The following LRRK2 variants were observed in gnomAD, a reference collection of about 807,000 sequenced individuals.
LRRK2 encodes leucine-rich repeat serine/threonine-protein kinase 2.
A neutral mutation model predicts 302.6 loss-of-function variants in LRRK2; 203 were observed. The ratio of observed to expected loss-of-function variants is 0.67; its 90% CI spans 0.60 to 0.75. LRRK2 has a LOEUF of 0.75. Ranked by LOEUF, LRRK2 falls within the 30% of genes least tolerant of loss-of-function variation. The pLI, the probability that LRRK2 is intolerant of heterozygous loss-of-function variation, is 0.00. For synonymous variants in LRRK2, 1,066 were observed against 1,031.9 expected (o/e 1.03, Z -0.63); for missense variants, 2,830 against 2,951.0 (o/e 0.96, Z 0.95).
In LRRK2 at chr12:40,356,798, C is replaced by T. The variant is rs532067504; in HGVS notation, c.6843+611C>T. Among the ~76,000 whole-genome samples, 50 of 152,142 alleles carry T rather than the reference C, an allele frequency of 3.3e-4. No individual in the cohort carries two copies. The Middle Eastern group carries it at 0.017, about 52-fold the overall frequency. Reference sequence around the variant, plus strand: ...TAGATTGAATGTAACAATAATATTTCGAATATGACCTAAATTTTTTTATGT... The same window carrying T: ...TAGATTGAATGTAACAATAATATTTTGAATATGACCTAAATTTTTTTATGT... On this transcript the variant is annotated intron_variant, in intron 46 of 50. Transcript: ENST00000298910.
chr12:40,267,414 TAA>T (rs1262821548), intron 14 of LRRK2, among the ~76,000 whole-genome samples: 1 of 152,118 alleles, frequency 6.6e-6, no homozygotes, highest in Non-Finnish European at 1.5e-5. Flanking sequence ...AGGGAACAGT[TAA>T]GTTTATTCAT....
intron 39 of LRRK2, among the ~76,000 whole-genome samples, chr12:40,332,247 A>G (rs17461880): frequency 6.6e-6 from 1 of 152,296 alleles, no homozygotes; most frequent in East Asian, 1.9e-4. Context: ...ACTAAAGTCC[A>G]GGGGCTGCAT....
intron 14 of LRRK2, among the ~76,000 whole-genome samples, chr12:40,266,900 C>A (rs1411880156): frequency 6.7e-6 from 1 of 148,920 alleles, no homozygotes; most frequent in African/African-American, 2.5e-5. Flanking sequence ...AAAAACCAAA[C>A]ACCATATGTT....
At position 40,321,143 on chromosome 12, in the gene LRRK2, A is replaced by G; in HGVS notation, c.5125A>G (p.Ile1709Val). The part of the protein sequence containing the change: ...YFPMGFWSRL[I>V]NRLLEISPYM... ...TCCAATGGGATTTTGGTCAAGATTA[A>G]TCAATCGATTACTTGAGATTTCACC... is the stretch of plus-strand genomic sequence containing the variant. Residue 1709 changes from isoleucine to valine, a missense_variant, in exon 35 of 51, where the codon ATC becomes GTC. This residue lies in a region of LRRK2 where 2,121 missense variants were observed against 2,148.0 expected (regional missense o/e 0.99). Transcript: ENST00000298910. 1 of 1,612,792 alleles carries G rather than the reference A, an allele frequency of 6.2e-7. No homozygotes were observed. The highest frequency in any genetic ancestry group is 1.1e-5 in the South Asian group (1 of 91,068).
intron 38 of LRRK2, among the ~76,000 whole-genome samples, chr12:40,326,576 A>G (rs1371272032): frequency 3.3e-5 from 5 of 151,978 alleles, no homozygotes; most frequent in Non-Finnish European, 5.9e-5. Flanking sequence ...GCTGCATTGC[A>G]ATTTTTCTTT....
intron 38 of LRRK2, among the ~76,000 whole-genome samples, chr12:40,326,083 T>C (rs1039023759): frequency 6.6e-6 from 1 of 152,200 alleles, no homozygotes; most frequent in African/African-American, 2.4e-5. Context: ...CTTAACTTTA[T>C]TTTTGTTTTC....
intron 47 of LRRK2, among the ~76,000 whole-genome samples, chr12:40,360,366 C>T (rs1592343496): frequency 1.3e-5 from 2 of 151,992 alleles, no homozygotes; most frequent in East Asian, 3.9e-4. Flanking sequence ...ATCAAATTTC[C>T]CAAGATTGGC....
intron 25 of LRRK2, among the ~76,000 whole-genome samples, chr12:40,300,258 T>C (rs1381196732): frequency 6.6e-6 from 1 of 152,226 alleles, no homozygotes; most frequent in Non-Finnish European, 1.5e-5. Flanking sequence ...ATCACTTTTA[T>C]TAAAAGTTGT....
intron 13 of LRRK2, among the ~76,000 whole-genome samples, chr12:40,263,537 A>T (rs1009520777): frequency 6.6e-6 from 1 of 152,164 alleles, no homozygotes; most frequent in African/African-American, 2.4e-5. Context: ...TTTCTTCACC[A>T]TCGTAATTTT....
At chr12:40,235,781 G>T in intron 4 of LRRK2, 67 bp downstream of exon 4, 2 of 634,296 alleles carry the variant, frequency 3.2e-6, no homozygotes, top group Non-Finnish European at 2.6e-6. Flanking sequence ...TTAAGTAAAT[G>T]TGTGTGTGTG....
chr12:40,318,713 A>C (rs1416529872), intron 33 of LRRK2, among the ~76,000 whole-genome samples: 1 of 152,110 alleles, frequency 6.6e-6, no homozygotes, highest in Non-Finnish European at 1.5e-5. Flanking sequence ...AGTGCTACAA[A>C]GAAAATATGA....
chr12:40,251,475 G>T lies in LRRK2; in HGVS notation c.1112G>T (p.Cys371Phe). The change falls in exon 10 of 51, where the codon TGC (cysteine) becomes TTC (phenylalanine). Residue 371 changes from cysteine to phenylalanine, a missense_variant. Physicochemically the swap from Cys to Phe is radical, Grantham distance 205. Transcript: ENST00000298910. ...TCTCCCCTAATCCAGGAGGCCGCAT[G>T]CTGGGCACTAAATAATCTCCTTATG... ...RKNKHVQEAA[C>F]WALNNLLMYQ... 1.2e-6 allele frequency: 2 copies of T among 1,611,922 alleles called. No homozygotes were observed. Among genetic ancestry groups the T allele is most frequent in the Non-Finnish European group, 1.7e-6 (2 of 1,178,770 alleles).
intron 41 of LRRK2, among the ~76,000 whole-genome samples, chr12:40,342,938 T>C (rs910313039): frequency 2.0e-5 from 3 of 152,192 alleles, no homozygotes; most frequent in Admixed American, 1.3e-4. Context: ...GCTCTATCCA[T>C]GAGTTAAGTA....
chr12:40,298,438 G>C lies in LRRK2; in HGVS notation c.3292G>C (p.Val1098Leu), dbSNP rs563422939. The C allele has an allele frequency of 6.2e-7, 1 of 1,613,864 alleles. No homozygotes were observed. The highest frequency in any genetic ancestry group is 1.7e-5 in the Admixed American group (1 of 59,990). Residue 1098 changes from valine (V) to leucine (L), a missense_variant, in exon 24 of 51, where the codon GTA becomes CTA. Transcript: ENST00000298910. ...CCTGTCATATAACCAGCTGTCTTTT[G>C]TACCTGAGAACCTCACTGATGTGGT... ...FNLSYNQLSF[V>L]PENLTDVVEK...
At chr12:40,320,714 C>T (rs1430760775) in intron 34 of LRRK2, among the ~76,000 whole-genome samples, 1 of 151,950 alleles carries the variant, frequency 6.6e-6, no homozygotes, top group Non-Finnish European at 1.5e-5. Flanking sequence ...AATAAATATA[C>T]ACTTTTTTTC....
At chr12:40,287,664 C>T (rs949003276) in intron 20 of LRRK2, 125 bp downstream of exon 20, 36 of 923,734 alleles carry the variant, frequency 3.9e-5, no homozygotes, top group African/African-American at 1.2e-4. Flanking sequence ...TGTTTATTAT[C>T]GCAAACAGTT....
chr12:40,232,960 G>C (rs1222690698), intron 3 of LRRK2, among the ~76,000 whole-genome samples: 1 of 152,138 alleles, frequency 6.6e-6, no homozygotes, highest in Non-Finnish European at 1.5e-5. Flanking sequence ...CAGCATAATG[G>C]CTTCTTAGAT....
At chr12:40,334,610 G>T (rs1945812596) in intron 39 of LRRK2, among the ~76,000 whole-genome samples, 1 of 152,170 alleles carries the variant, frequency 6.6e-6, no homozygotes, top group Admixed American at 6.5e-5. Context: ...TTAAGTAGAA[G>T]TGGATCATTA....
chr12:40,283,852 A>C, intron 18 of LRRK2, 23 bp from the exon 19 acceptor site: 1 of 1,594,042 alleles, frequency 6.3e-7, no homozygotes, highest in Non-Finnish European at 8.6e-7. Context: ...TTTTTAATAT[A>C]CTTAATTTTT....
Sources: gnomAD v4.1 joint callset for allele counts (sites outside exome capture counted in the v4.1 genomes callset) on GRCh38, gnomAD v4.1.1 for gene constraint, gnomAD v4.1.1 regional missense constraint, MANE v1.5 for transcripts, NCBI Gene and HGNC (gene_info 2026-07-23, HGNC 2026-07-21) for gene names.